Variants in DAP observed in about 807,000 individuals in gnomAD.
DAP encodes death-associated protein 1.
DAP carries 8 observed loss-of-function variants against 13.8 expected under a neutral mutation model. That is an observed-to-expected ratio of 0.58 (90% CI 0.34 to 1.05). DAP has a LOEUF of 1.05. Ranked by LOEUF, DAP falls within the 50% of genes least tolerant of loss-of-function variation. DAP has a pLI of 0.03. For synonymous variants in DAP, 47 were observed against 47.5 expected (o/e 0.99, Z 0.04); for missense variants, 106 against 133.2 (o/e 0.80, Z 1.01).
intron 2 of DAP, among the ~76,000 whole-genome samples, chr5:10,700,210 C>G (rs960314052): frequency 1.3e-5 from 2 of 152,190 alleles, no homozygotes; most frequent in Non-Finnish European, 2.9e-5. Context: ...GCTATGTACA[C>G]GTAGACATCT....
intron 2 of DAP, among the ~76,000 whole-genome samples, chr5:10,736,357 T>C (rs2126670405): frequency 6.6e-6 from 1 of 152,306 alleles, no homozygotes; most frequent in Admixed American, 6.5e-5. Flanking sequence ...CACTCTAACC[T>C]GGGTGGAGAT....
At chr5:10,689,306 C>T (rs889128562) in intron 2 of DAP, among the ~76,000 whole-genome samples, 1 of 152,120 alleles carries the variant, frequency 6.6e-6, no homozygotes, top group African/African-American at 2.4e-5. Flanking sequence ...ACTGTCCCAT[C>T]GCAACTGCTG....
In DAP at chr5:10,700,073, G is replaced by A. The variant is rs150560928; in HGVS notation, c.153-16502C>T. ...GCATGAAGAGGGTAACCAGAATGGG[G>A]CCCTGGGTGGGCCCCTCCGCGGGCA... On this transcript the variant is annotated intron_variant, in intron 2 of 3. Coordinates refer to ENST00000230895, the MANE Select transcript of DAP (RefSeq NM_004394.3). Among the ~76,000 whole-genome samples, 388 of 152,360 alleles carry A rather than the reference G, an allele frequency of 2.5e-3. 4 individuals are homozygous for A. Among genetic ancestry groups the A allele is most frequent in the African/African-American group, 8.6e-3 (357 of 41,592 alleles).
intron 2 of DAP, among the ~76,000 whole-genome samples, chr5:10,704,028 C>T (rs1738643362): frequency 6.6e-6 from 1 of 152,222 alleles, no homozygotes; most frequent in East Asian, 1.9e-4. Flanking sequence ...AACAGGGCGT[C>T]CTGCCTGTCA....
intron 2 of DAP, among the ~76,000 whole-genome samples, chr5:10,722,541 C>CATGCAT (rs1739171865): frequency 6.7e-6 from 1 of 148,512 alleles, no homozygotes; most frequent in Non-Finnish European, 1.5e-5. Context: ...CATATATATA[C>CATGCAT]ATATATACAT....
chr5:10,712,197 G>A (rs184128440), intron 2 of DAP, among the ~76,000 whole-genome samples: 10 of 152,264 alleles, frequency 6.6e-5, no homozygotes, highest in African/African-American at 2.2e-4. Context: ...CCATCTACAA[G>A]CCAATGAGAA....
chr5:10,739,540 T>C (rs953997591), intron 2 of DAP, among the ~76,000 whole-genome samples: 57 of 151,968 alleles, frequency 3.8e-4, no homozygotes, highest in Admixed American at 3.5e-3. Context: ...GAGGTCCATC[T>C]TGGTTGGAAA....
At chr5:10,713,396 A>T (rs1738900641) in intron 2 of DAP, among the ~76,000 whole-genome samples, 1 of 151,986 alleles carries the variant, frequency 6.6e-6, no homozygotes, top group Non-Finnish European at 1.5e-5. Flanking sequence ...AGAGGAGGAG[A>T]TCACAATGAC....
At chr5:10,710,767 G>A (rs1378688534) in intron 2 of DAP, among the ~76,000 whole-genome samples, 2 of 152,202 alleles carry the variant, frequency 1.3e-5, no homozygotes, top group Non-Finnish European at 2.9e-5. Flanking sequence ...CCAATCACCG[G>A]GTGTTAAGGG....
At chr5:10,728,618 T>G (rs899692850) in intron 2 of DAP, among the ~76,000 whole-genome samples, 1 of 152,230 alleles carries the variant, frequency 6.6e-6, no homozygotes, top group African/African-American at 2.4e-5. Flanking sequence ...GACCTTCCAG[T>G]AAGTCCAAGT....
intron 1 of DAP, among the ~76,000 whole-genome samples, chr5:10,757,503 A>G (rs1392406961): frequency 6.6e-6 from 1 of 152,094 alleles, no homozygotes; most frequent in Non-Finnish European, 1.5e-5. Context: ...TGAACTCCTG[A>G]GCTCAGGTGC....
At chr5:10,735,814 C>G (rs977716211) in intron 2 of DAP, among the ~76,000 whole-genome samples, 3 of 152,178 alleles carry the variant, frequency 2.0e-5, no homozygotes, top group African/African-American at 7.2e-5. Context: ...GGAATGCCAA[C>G]AGAGCCAGGT....
chr5:10,683,422 T>C, intron 3 of DAP, 107 bp downstream of exon 3: 1 of 1,063,138 alleles, frequency 9.4e-7, no homozygotes, highest in Non-Finnish European at 1.5e-6. Context: ...AGATGAGCAG[T>C]GGTGCTGGGT....
intron 2 of DAP, among the ~76,000 whole-genome samples, chr5:10,733,169 T>C (rs1324575214): frequency 3.8e-5 from 3 of 79,806 alleles, no homozygotes; most frequent in African/African-American, 1.2e-4. Context: ...TGTGTGTGTG[T>C]GTGTGTGTGT....
intron 1 of DAP, among the ~76,000 whole-genome samples, chr5:10,759,335 GA>G (rs1288055946): frequency 6.6e-6 from 1 of 152,158 alleles, no homozygotes; most frequent in Non-Finnish European, 1.5e-5. Context: ...GCAGTTCCTG[GA>G]GGCAGCCCTG....
chr5:10,686,570 A>C (rs1284356963), intron 2 of DAP, among the ~76,000 whole-genome samples: 1 of 152,240 alleles, frequency 6.6e-6, no homozygotes, highest in Non-Finnish European at 1.5e-5. Flanking sequence ...GATAAAAGAC[A>C]AGCCACAACA....
chr5:10,702,613 G>C (rs185139203), intron 2 of DAP, among the ~76,000 whole-genome samples: 20 of 152,326 alleles, frequency 1.3e-4, no homozygotes, highest in Admixed American at 3.9e-4. Context: ...ATAGAGCCAT[G>C]AGCTGAAGCT....
chr5:10,740,106 C>T (rs1325984735), intron 2 of DAP, among the ~76,000 whole-genome samples: 6 of 152,092 alleles, frequency 3.9e-5, no homozygotes, highest in Non-Finnish European at 8.8e-5. Context: ...GAAATGGAAG[C>T]TATACATTTT....
chr5:10,715,047 G>A (rs764126038), intron 2 of DAP, among the ~76,000 whole-genome samples: 34 of 152,082 alleles, frequency 2.2e-4, no homozygotes, highest in African/African-American at 8.2e-4. Context: ...TAACACATAC[G>A]AATATACAGA....
Sources: gnomAD v4.1 joint callset for allele counts (sites outside exome capture counted in the v4.1 genomes callset) on GRCh38, gnomAD v4.1.1 for gene constraint, MANE v1.5 for transcripts, NCBI Gene and HGNC (gene_info 2026-07-23, HGNC 2026-07-21) for gene names.